The following ZNF546 variants were observed in gnomAD, a reference collection of about 807,000 sequenced individuals.
The protein encoded by ZNF546 is zinc finger protein 546.
ZNF546 carries 60 observed loss-of-function variants against 76.2 expected under a neutral mutation model. The observed-to-expected ratio is 0.79, with a 90% CI of 0.64 to 0.98. ZNF546 has a LOEUF of 0.98. ZNF546 is among the 50% of genes least tolerant of loss of function. The pLI is 0.00. For synonymous variants in ZNF546, 277 were observed against 328.1 expected (o/e 0.84, Z 1.68); for missense variants, 936 against 1,035.6 (o/e 0.90, Z 1.32).
chr19:40,010,719 G>A (rs995441362), intron 6 of ZNF546, among the ~76,000 whole-genome samples: 1 of 151,980 alleles, frequency 6.6e-6, no homozygotes, highest in Non-Finnish European at 1.5e-5. Flanking sequence ...GTCTTGCTCT[G>A]TTGCCCAGGC....
chr19:40,002,964 T>A (rs574091564), intron 3 of ZNF546, among the ~76,000 whole-genome samples: 46 of 152,058 alleles, frequency 3.0e-4, no homozygotes, highest in African/African-American at 1.1e-3. Flanking sequence ...CCTCCCAAAG[T>A]CCTGGGATTG....
In ZNF546 at chr19:40,006,099, C is replaced by T. The variant is rs769296678; in HGVS notation, c.88C>T (p.Arg30Trp). Reference sequence around the variant, plus strand: ...AGTCACTTGTTCTTCCCCCCAGCCCCGGTTTCTCTGGATTCTGTGCTTCTC... The same window carrying T: ...AGTCACTTGTTCTTCCCCCCAGCCCTGGTTTCTCTGGATTCTGTGCTTCTC... The part of the protein sequence containing the change: ...IPLHSLSIMP[R>W]FLWILCFSME... The change falls in exon 4 of 7, where the codon CGG (arginine) becomes TGG (tryptophan). Residue 30 changes from arginine (R) to tryptophan (W), a missense_variant. Transcript: ENST00000347077. 18 of 1,613,900 alleles carry T rather than the reference C, an allele frequency of 1.1e-5. No individual in the cohort carries two copies. The highest frequency in any genetic ancestry group is 8.3e-5 in the Admixed American group (5 of 59,972).
chr19:39,999,032 C>T (rs909160164), intron 3 of ZNF546, among the ~76,000 whole-genome samples: 1 of 152,198 alleles, frequency 6.6e-6, no homozygotes, highest in African/African-American at 2.4e-5. Context: ...CTTGGCCTCC[C>T]AAAGTGCTGG....
intron 6 of ZNF546, among the ~76,000 whole-genome samples, chr19:40,010,960 G>A (rs1319311667): frequency 2.0e-5 from 3 of 151,996 alleles, no homozygotes; most frequent in East Asian, 3.9e-4. Context: ...GCTTACAGGC[G>A]TGAGCCACTA....
chr19:39,998,632 A>G, intron 3 of ZNF546: 1 of 517,830 alleles, frequency 1.9e-6, no homozygotes, highest in Non-Finnish European at 3.4e-6. Context: ...AAGTCCAAGC[A>G]TAGAAATCTG....
rs1183071454 is a variant in ZNF546 at position 40,020,449 on chromosome 19, T to C, written c.*4668T>C. ...GTATATTAATGCAAAATATTGTTAATGTATCAGTGGATTGTTCCTCCAAAG... is the reference window on the plus strand; with the variant it reads ...GTATATTAATGCAAAATATTGTTAACGTATCAGTGGATTGTTCCTCCAAAG... On this transcript the variant is annotated 3_prime_UTR_variant, in exon 7 of 7. Coordinates refer to ENST00000347077, the MANE Select transcript of ZNF546 (RefSeq NM_178544.5). 6.6e-6 allele frequency: 1 copy of C among 152,220 alleles called. No homozygotes were observed. The highest frequency in any genetic ancestry group is 6.5e-5 in the Admixed American group (1 of 15,292). 9.4% of individuals were successfully genotyped at this position (152,220 alleles called of 1,614,324 possible).
At chr19:40,007,971 A>G (rs895633085) in intron 5 of ZNF546, among the ~76,000 whole-genome samples, 2 of 152,246 alleles carry the variant, frequency 1.3e-5, no homozygotes, top group Admixed American at 6.5e-5. Context: ...GAAACTTAGT[A>G]TATTTCTCCT....
intron 1 of ZNF546, among the ~76,000 whole-genome samples, 151 bp from the exon 2 acceptor site, chr19:39,997,710 T>C (rs1164534982): frequency 2.0e-5 from 3 of 152,232 alleles, no homozygotes; most frequent in Non-Finnish European, 2.9e-5. Context: ...CAGAGACAGA[T>C]CCCAGCCTCA....
In ZNF546 at chr19:40,017,799, CTG is replaced by C. The variant is rs958253015; in HGVS notation, c.*2022_*2023del. ...AATTCCATAATCTGTAATATTCAGT[CTG>C]TGTTCATATTCTCAGTTGTGTTCAT... On this transcript the variant is annotated 3_prime_UTR_variant, in exon 7 of 7. Transcript: ENST00000347077. 2 of 152,146 alleles carry C rather than the reference CTG, an allele frequency of 1.3e-5. No individual in the cohort carries two copies. Among genetic ancestry groups the C allele is most frequent in the African/African-American group, 4.8e-5 (2 of 41,502 alleles). 9.4% of individuals were successfully genotyped at this position (152,146 alleles called of 1,614,324 possible).
intron 4 of ZNF546, among the ~76,000 whole-genome samples, chr19:40,006,674 A>G (rs1356655559): frequency 3.3e-5 from 5 of 152,298 alleles, no homozygotes; most frequent in East Asian, 1.9e-4. Flanking sequence ...AGATCCTCCA[A>G]TCCCTAATGA....
intron 5 of ZNF546, 132 bp from the exon 6 acceptor site, chr19:40,008,338 G>T (rs1971632016): frequency 3.7e-6 from 2 of 546,618 alleles, no homozygotes; most frequent in African/African-American, 1.8e-5. Flanking sequence ...CTTCTTTACT[G>T]TCATGGCATT....
In ZNF546 at chr19:40,007,321, GT is replaced by G; in HGVS notation, c.220del (p.Trp74GlyfsTer15). 2 of 1,605,736 alleles carry G rather than the reference GT, an allele frequency of 1.2e-6. No homozygotes were observed. Among genetic ancestry groups the G allele is most frequent in the Non-Finnish European group, 1.7e-6 (2 of 1,175,022 alleles). On this transcript the variant is annotated frameshift_variant, in exon 5 of 7. Transcript: ENST00000347077. LOFTEE classifies it high-confidence loss of function. ...DVSIDLSQEE[W>X]ECLDAVQRDL... ...TGTCCATAGACCTCTCCCAAGAGGA[GT>G]GGGAGTGCCTGGACGCTGTGCAGAG... is the stretch of plus-strand genomic sequence containing the variant.
intron 6 of ZNF546, among the ~76,000 whole-genome samples, chr19:40,010,492 T>G (rs562962390): frequency 4.6e-5 from 7 of 152,328 alleles, no homozygotes; most frequent in Non-Finnish European, 1.0e-4. Context: ...GACATTCTTG[T>G]TAGCACTTTG....
In ZNF546 at chr19:40,015,432, A is replaced by T; in HGVS notation, c.2162A>T (p.Tyr721Phe). The T allele has an allele frequency of 6.2e-7, 1 of 1,614,214 alleles. No individual in the cohort carries two copies. Among genetic ancestry groups the T allele is most frequent in the Non-Finnish European group, 8.5e-7 (1 of 1,180,040 alleles). Residue 721 changes from tyrosine to phenylalanine, a missense_variant, in exon 7 of 7, where the codon TAT becomes TTT. Tyr to Phe is a conservative substitution (Grantham distance 22, BLOSUM62 3). Transcript: ENST00000347077. ...HQRIHTGELP[Y>F]ECKECGKTFS... ...AGAATTCACACTGGTGAGCTTCCAT[A>T]TGAATGTAAGGAATGTGGAAAGACC...
Position 40,014,003 on chromosome 19 carries a change from T to C in ZNF546, c.733T>C (p.Tyr245His). The C allele has an allele frequency of 6.2e-7, 1 of 1,612,770 alleles. No individual in the cohort carries two copies. Among genetic ancestry groups the C allele is most frequent in the Non-Finnish European group, 8.5e-7 (1 of 1,179,110 alleles). Residue 245 changes from tyrosine to histidine, a missense_variant, in exon 7 of 7, where the codon TAT (tyrosine) becomes CAT (histidine). Physicochemically the swap from Tyr to His is moderately conservative, Grantham distance 83 (BLOSUM62 2). Coordinates refer to ENST00000347077, the MANE Select transcript of ZNF546 (RefSeq NM_178544.5). ...GAGAATTCACACTGGTGAGAGACCCTATAAATGTATGGAATGTGGAAAGGC... is the reference window on the plus strand; with the variant it reads ...GAGAATTCACACTGGTGAGAGACCCCATAAATGTATGGAATGTGGAAAGGC... Reference protein sequence around the residue: ...HLRIHTGERPYKCMECGKAFC... With the variant: ...HLRIHTGERPHKCMECGKAFC...
chr19:40,001,889 CTT>C (rs1971535807), intron 3 of ZNF546, among the ~76,000 whole-genome samples: 1 of 152,240 alleles, frequency 6.6e-6, no homozygotes, highest in East Asian at 1.9e-4. Context: ...TACTGGCTAA[CTT>C]TTATTACGTA....
intron 3 of ZNF546, among the ~76,000 whole-genome samples, chr19:40,003,896 C>T (rs1369766206): frequency 5.3e-5 from 8 of 151,540 alleles, no homozygotes. Flanking sequence ...CCTGTAATCC[C>T]AGCGACTCGG....
intron 6 of ZNF546, among the ~76,000 whole-genome samples, chr19:40,011,931 C>A (rs1005154605): frequency 2.0e-5 from 3 of 152,174 alleles, no homozygotes; most frequent in African/African-American, 7.2e-5. Flanking sequence ...TATTAGGTCA[C>A]ATTCACAGGC....
intron 3 of ZNF546, among the ~76,000 whole-genome samples, chr19:40,001,381 TA>T (rs143662373): frequency 0.065 from 9,710 of 148,746 alleles, 524 homozygotes; most frequent in East Asian, 0.18. Context: ...TTTTTTTTTT[TA>T]AATGAAGTCT....
Sources: allele counts gnomAD v4.1 joint callset (sites outside exome capture counted in the v4.1 genomes callset), GRCh38; gene constraint gnomAD v4.1.1; transcripts MANE v1.5; gene names NCBI Gene and HGNC (gene_info 2026-07-23, HGNC 2026-07-21).